The following ANKRD12 variants were observed in gnomAD, a reference collection of about 807,000 sequenced individuals.
ANKRD12 encodes ankyrin repeat domain-containing protein 12.
ANKRD12 carries 85 observed loss-of-function variants against 183.4 expected under a neutral mutation model. The observed-to-expected ratio is 0.46, with a 90% CI of 0.39 to 0.56. The LOEUF is 0.56. Among genes scored for constraint, ANKRD12 ranks in the 20% least tolerant of loss-of-function variants. The pLI is 0.00. For missense variants in ANKRD12, 2,405 were observed against 2,357.1 expected, an observed-to-expected ratio of 1.02 and a Z score of -0.42; for synonymous variants, 914 against 800.2, an observed-to-expected ratio of 1.14 and a Z score of -2.40.
At chr18:9,245,869 A>G (rs142185208) in intron 8 of ANKRD12, among the ~76,000 whole-genome samples, 1 of 152,322 alleles carries the variant, frequency 6.6e-6, no homozygotes, top group East Asian at 1.9e-4. Context: ...GCATCATTTT[A>G]TTGGATGTTT....
At chr18:9,203,595 G>GTA (rs71854803) in intron 3 of ANKRD12, among the ~76,000 whole-genome samples, 5 of 151,352 alleles carry the variant, frequency 3.3e-5, no homozygotes, top group African/African-American at 1.2e-4. Context: ...GTGTGTGTGT[G>GTA]TATATATATT....
chr18:9,157,550 G>GGTGTGTATGTGTGTGTGTGTATGT (rs1555707774), intron 1 of ANKRD12, among the ~76,000 whole-genome samples: 3 of 114,592 alleles, frequency 2.6e-5, no homozygotes, highest in African/African-American at 1.2e-4. Context: ...GGTGTGTGTG[G>GGTGTGTATGTGTGTGTGTGTATGT]GTGTGTGTGT....
chr18:9,137,823 T>G lies in ANKRD12; in HGVS notation c.-52+858T>G, dbSNP rs375665047. The G allele has an allele frequency of 7.2e-5, 11 of 152,224 alleles. 1 individual carries two copies. The highest frequency in any genetic ancestry group is 2.6e-4 in the African/African-American group (11 of 41,510). The allele number at this position is 152,224 out of a possible 1,614,324, so 9.4% of individuals were successfully genotyped here. On this transcript the variant is annotated intron_variant, in intron 1 of 12. Coordinates refer to ENST00000262126, the MANE Select transcript of ANKRD12 (RefSeq NM_015208.5). ...TCTCGTTTTGAGGAGTGATGTGGAG[T>G]GACGCATCCTTACAGATCCCAAAGC...
Position 9,257,553 on chromosome 18 carries a change from T to C in ANKRD12, c.4286T>C (p.Leu1429Ser). 1 of 1,614,102 alleles carries C rather than the reference T, an allele frequency of 6.2e-7. No individual in the cohort carries two copies. Among genetic ancestry groups the C allele is most frequent in the Non-Finnish European group, 8.5e-7 (1 of 1,179,986 alleles). ...WEMPVDRLET[L>S]STRDFICPNS... ...ATGCCTGTTGATAGACTAGAGACAT[T>C]AAGCACCAGAGACTTTATCTGCCCA... The change falls in exon 9 of 13, where the codon TTA becomes TCA. Residue 1429 changes from leucine to serine, a missense_variant. Transcript: ENST00000262126.
chr18:9,151,737 G>A (rs918062272), intron 1 of ANKRD12, among the ~76,000 whole-genome samples: 2 of 152,178 alleles, frequency 1.3e-5, no homozygotes, highest in Non-Finnish European at 2.9e-5. Context: ...AGCTGGAACT[G>A]AAATAAAGTT....
intron 10 of ANKRD12, among the ~76,000 whole-genome samples, chr18:9,267,422 T>C (rs2039357133): frequency 6.6e-6 from 1 of 152,036 alleles, no homozygotes; most frequent in Non-Finnish European, 1.5e-5. Context: ...ACAAACTGTC[T>C]CTCAGACCAC....
rs561954744 is a variant in ANKRD12 at position 9,165,625 on chromosome 18, G to A, written c.-51-16757G>A. ...ATAGTATTTGTCCTTTTGTGACTGG[G>A]TTATTTCACTTGGCATAATGTCTTC... On this transcript the variant is annotated intron_variant, in intron 1 of 12. Coordinates refer to ENST00000262126, the MANE Select transcript of ANKRD12 (RefSeq NM_015208.5). Among the ~76,000 whole-genome samples, 5 of 152,200 alleles carry A rather than the reference G, an allele frequency of 3.3e-5. No homozygotes were observed. In the South Asian group the frequency reaches 1.0e-3, roughly 32 times the overall value.
At chr18:9,187,238 C>T (rs1477923519) in intron 2 of ANKRD12, among the ~76,000 whole-genome samples, 2 of 151,436 alleles carry the variant, frequency 1.3e-5, no homozygotes, top group Non-Finnish European at 2.9e-5. Context: ...CCAGCCTGGG[C>T]AAGACCCCCG....
At chr18:9,238,281 TCTC>T (rs1327271634) in intron 8 of ANKRD12, among the ~76,000 whole-genome samples, 2 of 152,184 alleles carry the variant, frequency 1.3e-5, no homozygotes, top group African/African-American at 4.8e-5. Flanking sequence ...TGGACCCTCT[TCTC>T]ATGCTGCATA....
chr18:9,259,455 C>T (rs2038840611), intron 9 of ANKRD12: 1 of 148,778 alleles, frequency 6.7e-6, no homozygotes, highest in South Asian at 2.1e-4. Flanking sequence ...GTTTACAATA[C>T]ATATGCAGAC....
chr18:9,221,742 A>G (rs2036432605), intron 7 of ANKRD12, 110 bp from the exon 8 acceptor site: 3 of 1,069,476 alleles, frequency 2.8e-6, no homozygotes, highest in African/African-American at 3.2e-5. Context: ...GAATGGATGC[A>G]GAGTAAATGA....
chr18:9,229,502 CT>C (rs2036919767), intron 8 of ANKRD12, among the ~76,000 whole-genome samples: 1 of 152,044 alleles, frequency 6.6e-6, no homozygotes, highest in African/African-American at 2.4e-5. Context: ...TTGTAGAGAT[CT>C]TTCACCTCCT....
At chr18:9,180,546 A>AT (rs1339726128) in intron 1 of ANKRD12, among the ~76,000 whole-genome samples, 1 of 151,398 alleles carries the variant, frequency 6.6e-6, no homozygotes, top group Non-Finnish European at 1.5e-5. Context: ...TTATTTGTAC[A>AT]TTTTTTAATA....
At chr18:9,274,486 T>C (rs1250647910) in intron 10 of ANKRD12, among the ~76,000 whole-genome samples, 1 of 152,186 alleles carries the variant, frequency 6.6e-6, no homozygotes, top group Non-Finnish European at 1.5e-5. Context: ...ATATTAAATG[T>C]TCAAGATAGG....
At position 9,221,976 on chromosome 18, in the gene ANKRD12, C is replaced by CTGA. The variant is rs1042677794; in HGVS notation, c.930_932dup (p.Asp310dup). The CTGA allele has an allele frequency of 2.5e-6, 4 of 1,613,722 alleles. No homozygotes were observed. Among genetic ancestry groups the CTGA allele is most frequent in the East Asian group, 4.5e-5 (2 of 44,864 alleles). On this transcript the variant is annotated inframe_insertion, in exon 8 of 13. Transcript: ENST00000262126. ...CTACTAAAAAGAGAGGTGCCTTTAT[C>CTGA]TGATGATGATGAAAGTTACACAGGT...
intron 8 of ANKRD12, among the ~76,000 whole-genome samples, chr18:9,224,911 T>C (rs1453903553): frequency 6.6e-6 from 1 of 152,184 alleles, no homozygotes; most frequent in East Asian, 1.9e-4. Context: ...TAAGATAATC[T>C]ACATTTTCCT....
chr18:9,263,923 A>G lies in ANKRD12; in HGVS notation c.5763+35A>G, dbSNP rs545361262. On this transcript the variant is annotated intron_variant, in intron 10 of 12. Transcript: ENST00000262126. The stretch of plus-strand genomic sequence containing the variant: ...GTTTAAATTTACACTTATGCTAAAA[A>G]TAACTGGTTTCTAGCAATAAATTAA... 6.1e-6 allele frequency: 8 copies of G among 1,318,700 alleles called. No homozygotes were observed. The East Asian group carries it at 1.8e-4, about 29-fold the overall frequency. The allele number at this position is 1,318,700 out of a possible 1,614,324, so 81.7% of individuals were successfully genotyped here.
Position 9,258,641 on chromosome 18 carries a change from G to C in ANKRD12, c.5374G>C (p.Val1792Leu). Residue 1792 changes from valine to leucine, a missense_variant, in exon 9 of 13, where the codon GTA (valine) becomes CTA (leucine). Coordinates refer to ENST00000262126, the MANE Select transcript of ANKRD12 (RefSeq NM_015208.5). ...HHPRKRKVSR[V>L]PQPVQVSPSL... is the part of the protein sequence containing the mutation. ...TCCACGGAAAAGGAAAGTGTCACGT[G>C]TACCTCAGCCTGTGCAAGTGAGTCC... 6.2e-7 allele frequency: 1 copy of C among 1,613,912 alleles called. No individual in the cohort carries two copies. The highest frequency in any genetic ancestry group is 8.5e-7 in the Non-Finnish European group (1 of 1,179,894).
chr18:9,168,179 C>CT lies in ANKRD12; in HGVS notation c.-51-14195dup, dbSNP rs1004653506. Among the ~76,000 whole-genome samples, 280 of 151,934 alleles carry CT rather than the reference C, an allele frequency of 1.8e-3. 1 individual carries two copies. In the Middle Eastern group the frequency reaches 0.037, roughly 20 times the overall value. On this transcript the variant is annotated intron_variant, in intron 1 of 12. Coordinates refer to ENST00000262126, the MANE Select transcript of ANKRD12 (RefSeq NM_015208.5). The stretch of plus-strand genomic sequence containing the variant: ...ATCAAAGATATTGGTCTAAAATTCT[C>CT]TTTTTTTTGTTGTGTCTCTGCCAGG...
Sources: allele counts gnomAD v4.1 joint callset (sites outside exome capture counted in the v4.1 genomes callset), GRCh38; gene constraint gnomAD v4.1.1; transcripts MANE v1.5; gene names NCBI Gene and HGNC (gene_info 2026-07-23, HGNC 2026-07-21).